SCN7A: variants seen among roughly 807,000 people sequenced by gnomAD.
The protein encoded by SCN7A is sodium voltage-gated channel alpha subunit 7, also known as sodium channel protein type 7 subunit alpha.
Under a neutral mutation model 155.2 loss-of-function variants are expected in SCN7A, and 138 were observed. The observed-to-expected ratio is 0.89, with a 90% CI of 0.77 to 1.02. The LOEUF (loss-of-function observed/expected upper bound fraction) is 1.02, where lower values mean the gene tolerates loss of function less well. Among genes scored for constraint, SCN7A ranks in the 50% least tolerant of loss-of-function variants. SCN7A has a pLI of 0.00. For synonymous variants in SCN7A, 693 were observed against 649.0 expected, an observed-to-expected ratio of 1.07 and a Z score of -1.03; for missense variants, 2,058 against 1,986.6, an observed-to-expected ratio of 1.04 and a Z score of -0.68.
At chr2:166,413,569 C>G (rs1373860299) in intron 21 of SCN7A, among the ~76,000 whole-genome samples, 1 of 151,930 alleles carries the variant, frequency 6.6e-6, no homozygotes, top group Non-Finnish European at 1.5e-5. Flanking sequence ...AGAATTATTA[C>G]CTGTAGTGGT....
intron 5 of SCN7A, among the ~76,000 whole-genome samples, chr2:166,473,000 C>T (rs907128769): frequency 2.0e-5 from 3 of 151,616 alleles, no homozygotes; most frequent in African/African-American, 7.3e-5. Context: ...AGGGGAGCAA[C>T]AGACACTGGG....
chr2:166,453,570 A>G (rs969947860), intron 11 of SCN7A, among the ~76,000 whole-genome samples: 3 of 152,230 alleles, frequency 2.0e-5, no homozygotes, highest in Admixed American at 6.5e-5. Flanking sequence ...ACTACAACCC[A>G]TAAGATAGGT....
intron 21 of SCN7A, among the ~76,000 whole-genome samples, chr2:166,414,092 TATATA>T (rs1193618912): frequency 2.3e-4 from 19 of 83,520 alleles, no homozygotes; most frequent in Admixed American, 1.6e-3. Context: ...TATGTAAATA[TATATA>T]ATATATTATA....
At chr2:166,449,811 A>AAACAAT (rs1266540680) in intron 11 of SCN7A, among the ~76,000 whole-genome samples, 3 of 152,164 alleles carry the variant, frequency 2.0e-5, no homozygotes, top group African/African-American at 7.2e-5. Context: ...ACAAAAACAA[A>AAACAAT]AACAAAACAG....
At chr2:166,484,980 G>A (rs1703012888) in intron 2 of SCN7A, among the ~76,000 whole-genome samples, 1 of 151,932 alleles carries the variant, frequency 6.6e-6, no homozygotes, top group Admixed American at 6.6e-5. Context: ...CCAAAACTGG[G>A]AAGAATCCAT....
Position 166,457,021 on chromosome 2 carries a change from A to C in SCN7A, c.1139T>G (p.Leu380Trp), listed in dbSNP as rs570783353. Reference protein sequence around the residue: ...YMIFFVVVSFLFSFYMASLFL... With the variant: ...YMIFFVVVSFWFSFYMASLFL... Reference sequence around the variant, plus strand: ...CAAACTTGCCATATAAAAGGAAAACAAAAAACTTACCACCACAAAAAATAT... The same window carrying C: ...CAAACTTGCCATATAAAAGGAAAACCAAAAACTTACCACCACAAAAAATAT... Residue 380 changes from leucine to tryptophan, a missense_variant, in exon 11 of 26, where the codon TTG becomes TGG. Transcript: ENST00000643258. The C allele has an allele frequency of 6.2e-7, 1 of 1,610,762 alleles. No homozygotes were observed. The highest frequency in any genetic ancestry group is 1.3e-5 in the African/African-American group (1 of 74,874).
chr2:166,445,429 C>G (rs897219050), intron 12 of SCN7A, among the ~76,000 whole-genome samples: 1 of 151,846 alleles, frequency 6.6e-6, no homozygotes, highest in Non-Finnish European at 1.5e-5. Flanking sequence ...AAAGTTCTAA[C>G]GAACTAATAG....
At chr2:166,406,919 T>C (rs961155318) in intron 25 of SCN7A, among the ~76,000 whole-genome samples, 2 of 152,036 alleles carry the variant, frequency 1.3e-5, no homozygotes, top group Non-Finnish European at 1.5e-5. Context: ...CAAGTAGTTC[T>C]GGAATTACAG....
chr2:166,492,094 C>T (rs1481068616), intron 1 of SCN7A, among the ~76,000 whole-genome samples: 3 of 151,898 alleles, frequency 2.0e-5, no homozygotes, highest in Non-Finnish European at 2.9e-5. Context: ...AGTGTATATC[C>T]GCTACCAAAC....
At chr2:166,482,955 G>A (rs1028888539) in intron 2 of SCN7A, among the ~76,000 whole-genome samples, 10 of 151,858 alleles carry the variant, frequency 6.6e-5, no homozygotes, top group Non-Finnish European at 1.2e-4. Flanking sequence ...ACTAAAGTCC[G>A]AAAAAATATA....
In SCN7A at chr2:166,406,264, T is replaced by C. The variant is rs893418425; in HGVS notation, c.4365A>G (p.Lys1455=). 6.2e-7 allele frequency: 1 copy of C among 1,613,168 alleles called. No homozygotes were observed. The highest frequency in any genetic ancestry group is 8.5e-7 in the Non-Finnish European group (1 of 1,179,520). Residue 1455 remains lysine, a synonymous_variant, in exon 26 of 26, where the codon AAA becomes AAG. Coordinates refer to ENST00000643258, the MANE Select transcript of SCN7A (RefSeq NM_002976.4). ...NSKWSDCDPD[K]INPGTQVRGD... is the part of the protein sequence containing the mutation. ...CTCTAACTTGAGTCCCAGGGTTAAT[T>C]TTATCAGGATCACAGTCAGACCATT...
In SCN7A at chr2:166,474,220, G is replaced by C; in HGVS notation, c.353+6C>G. The C allele has an allele frequency of 1.5e-6, 2 of 1,349,956 alleles. No homozygotes were observed. The highest frequency in any genetic ancestry group is 4.6e-5 in the Admixed American group (2 of 43,898). The allele number at this position is 1,349,956 out of a possible 1,614,324, so 83.6% of individuals were successfully genotyped here. ...TTAAAGTCAACAAGTCAACAGAAAA[G>C]GATATGGATGTACCAAAACCTTGAT... On this transcript the variant is annotated splice_donor_region_variant and intron_variant, in intron 4 of 25. Transcript: ENST00000643258.
At chr2:166,478,166 A>G (rs1468074228) in intron 2 of SCN7A, among the ~76,000 whole-genome samples, 24 of 151,868 alleles carry the variant, frequency 1.6e-4, no homozygotes, top group Admixed American at 1.5e-3. Flanking sequence ...TTTCAAATCA[A>G]TTACAGTATC....
chr2:166,421,304 A>AT lies in SCN7A; in HGVS notation c.3028-8dup, dbSNP rs760557597. The AT allele has an allele frequency of 4.7e-4, 674 of 1,440,656 alleles. 1 individual carries two copies. Among genetic ancestry groups the AT allele is most frequent in the Admixed American group, 9.9e-4 (36 of 36,350 alleles). 89.2% of individuals were successfully genotyped at this position (1,440,656 alleles called of 1,614,324 possible). ...TTAAGCTAAGACAAAACACCTATAT[A>AT]TTTTTTTTAAAAAAAGAGTGAATAG... is the stretch of plus-strand genomic sequence containing the variant. On this transcript the variant is annotated splice_region_variant and splice_polypyrimidine_tract_variant and intron_variant, in intron 19 of 25. Coordinates refer to ENST00000643258, the MANE Select transcript of SCN7A (RefSeq NM_002976.4).
intron 15 of SCN7A, among the ~76,000 whole-genome samples, chr2:166,436,991 A>G (rs1166903008): frequency 6.6e-6 from 1 of 152,206 alleles, no homozygotes; most frequent in African/African-American, 2.4e-5. Flanking sequence ...AGAAAAACCA[A>G]TTTTCTGGAG....
At chr2:166,425,190 A>C (rs1028508633) in intron 18 of SCN7A, among the ~76,000 whole-genome samples, 3 of 152,082 alleles carry the variant, frequency 2.0e-5, no homozygotes, top group Non-Finnish European at 4.4e-5. Context: ...GGCCTACAAT[A>C]GGGTAGGTGT....
rs1157652038 is a variant in SCN7A, at chr2:166,405,219, A to G, written c.*361T>C. The G allele has an allele frequency of 1.1e-5, 2 of 177,136 alleles. No homozygotes were observed. The highest frequency in any genetic ancestry group is 4.7e-5 in the African/African-American group (2 of 42,426). 11.0% of individuals were successfully genotyped at this position (177,136 alleles called of 1,614,324 possible). Reference sequence around the variant, plus strand: ...GTAAGTCTTAATAGTGGTGACTTAAAGCCCATTAAATTATACATAAAATAT... The same window carrying G: ...GTAAGTCTTAATAGTGGTGACTTAAGGCCCATTAAATTATACATAAAATAT... On this transcript the variant is annotated 3_prime_UTR_variant, in exon 26 of 26. Transcript: ENST00000643258.
Position 166,421,304 on chromosome 2 carries a change from A to ATT in SCN7A, c.3028-9_3028-8dup. 1 of 1,440,780 alleles carries ATT rather than the reference A, an allele frequency of 6.9e-7. No homozygotes were observed. The highest frequency in any genetic ancestry group is 9.2e-7 in the Non-Finnish European group (1 of 1,082,748). The allele number at this position is 1,440,780 out of a possible 1,614,324, so 89.2% of individuals were successfully genotyped here. A position where few individuals can be genotyped will look rare whatever the true frequency, so the allele number is the denominator to read the frequency against. ...TTAAGCTAAGACAAAACACCTATAT[A>ATT]TTTTTTTTAAAAAAAGAGTGAATAG... is the stretch of plus-strand genomic sequence containing the variant. On this transcript the variant is annotated splice_region_variant and splice_polypyrimidine_tract_variant and intron_variant, in intron 19 of 25. Transcript: ENST00000643258.
chr2:166,420,900 T>C (rs117198365), intron 20 of SCN7A, among the ~76,000 whole-genome samples: 4 of 152,104 alleles, frequency 2.6e-5, no homozygotes, highest in East Asian at 3.9e-4. Context: ...ATTTTGGTAA[T>C]ATGCATATGT....
Sources: gnomAD v4.1 joint callset for allele counts (sites outside exome capture counted in the v4.1 genomes callset) on GRCh38, gnomAD v4.1.1 for gene constraint, MANE v1.5 for transcripts, NCBI Gene and HGNC (gene_info 2026-07-23, HGNC 2026-07-21) for gene names.